The following FCMR variants were observed in gnomAD, a reference collection of about 807,000 sequenced individuals.
The protein encoded by FCMR is Fc mu receptor.
In FCMR, 34 loss-of-function variants were observed where a neutral mutation model predicts 41.6. The ratio of observed to expected loss-of-function variants is 0.82; its 90% CI spans 0.62 to 1.09. The LOEUF (loss-of-function observed/expected upper bound fraction) is 1.09, where lower values mean the gene tolerates loss of function less well. FCMR is among the 50% of genes least tolerant of loss of function. The pLI, the probability that FCMR is intolerant of heterozygous loss-of-function variation, is 0.00. For missense variants in FCMR, 496 were observed against 512.5 expected (o/e 0.97, Z 0.31); for synonymous variants, 209 against 211.8 (o/e 0.99, Z 0.12).
rs770525835 is a variant in FCMR at position 206,913,753 on chromosome 1, A to G, written c.373+6T>C. 1.9e-6 allele frequency: 3 copies of G among 1,611,148 alleles called. No homozygotes were observed. Among genetic ancestry groups the G allele is most frequent in the Non-Finnish European group, 2.5e-6 (3 of 1,177,534 alleles). On this transcript the variant is annotated splice_donor_region_variant and intron_variant, in intron 2 of 7. Transcript: ENST00000367091. ...GTCTGAGCCTCCAATCAGCGGAGGA[A>G]CCTACCACTGTGGACATTCAGGGTG... is the stretch of plus-strand genomic sequence containing the variant.
chr1:206,905,202 C>T (rs1477390200), intron 7 of FCMR, 55 bp from the exon 8 acceptor site: 7 of 1,603,058 alleles, frequency 4.4e-6, no homozygotes, highest in South Asian at 2.2e-5. Flanking sequence ...TTTAATATCT[C>T]CCCAGGTGGA....
In FCMR at chr1:206,903,411, C is replaced by A. The variant is rs1404009948; in HGVS notation, c.*1608G>T. 1 of 222,036 alleles carries A rather than the reference C, an allele frequency of 4.5e-6. No individual in the cohort carries two copies. 13.8% of individuals were successfully genotyped at this position (222,036 alleles called of 1,614,324 possible). On this transcript the variant is annotated 3_prime_UTR_variant, in exon 8 of 8. Coordinates refer to ENST00000367091, the MANE Select transcript of FCMR (RefSeq NM_005449.5). ...GCTTCTTTACCCCTCACAATCCTTG[C>A]CACAGTGTGGGGCAGTGGATGGGTG...
rs139221448 is a variant in FCMR at position 206,914,310 on chromosome 1, TTTCCTTCCTTCCTTCCTTCCTTCCTTCC to T, written c.38-244_38-217del. Among the ~76,000 whole-genome samples, 504 of 145,672 alleles carry T rather than the reference TTTCCTTCCTTCCTTCCTTCCTTCCTTCC, an allele frequency of 3.5e-3. 3 individuals carry two copies. The highest frequency in any genetic ancestry group is 0.012 in the African/African-American group (455 of 39,242). On this transcript the variant is annotated intron_variant, in intron 1 of 7. Transcript: ENST00000367091. ...TCATTTCTTTTTTCTTTTTCTTTTC[TTTCCTTCCTTCCTTCCTTCCTTCCTTCC>T]TTCCTTCCTTCCTTCCTTTCTTTCT... is the stretch of plus-strand genomic sequence containing the variant.
chr1:206,905,382 T>G (rs1013530480), intron 7 of FCMR, among the ~76,000 whole-genome samples: 2 of 152,126 alleles, frequency 1.3e-5, no homozygotes, highest in Admixed American at 1.3e-4. Flanking sequence ...TAAATGGGGC[T>G]CAGAGTAAAA....
intron 7 of FCMR, among the ~76,000 whole-genome samples, chr1:206,905,450 G>A (rs143572917): frequency 9.1e-4 from 138 of 152,306 alleles, no homozygotes; most frequent in Middle Eastern, 6.8e-3. Flanking sequence ...TATCCCCTCG[G>A]GGATAAGATG....
In FCMR at chr1:206,913,751, G is replaced by C; in HGVS notation, c.373+8C>G. ...TAGTCTGAGCCTCCAATCAGCGGAG[G>C]AACCTACCACTGTGGACATTCAGGG... On this transcript the variant is annotated splice_region_variant and intron_variant, in intron 2 of 7. Transcript: ENST00000367091. 1 of 1,610,756 alleles carries C rather than the reference G, an allele frequency of 6.2e-7. No individual in the cohort carries two copies. The highest frequency in any genetic ancestry group is 8.5e-7 in the Non-Finnish European group (1 of 1,177,106).
At chr1:206,919,041 G>A (rs1679319183) in intron 1 of FCMR, among the ~76,000 whole-genome samples, 3 of 151,960 alleles carry the variant, frequency 2.0e-5, no homozygotes, top group South Asian at 2.1e-4. Flanking sequence ...ACTCTACTCC[G>A]TGGCCATGCA....
intron 4 of FCMR, among the ~76,000 whole-genome samples, chr1:206,910,948 T>G (rs1450978696): frequency 1.3e-5 from 2 of 152,240 alleles, no homozygotes; most frequent in African/African-American, 4.8e-5. Context: ...TCAGACTTTA[T>G]CAAGTCAGAC....
rs764263343 is a variant in FCMR at position 206,910,245 on chromosome 1, C to A, written c.806G>T (p.Gly269Val). Residue 269 changes from glycine to valine, a missense_variant, in exon 5 of 8, where the codon GGG becomes GTG. Transcript: ENST00000367091. ...TTCAACGGCCCTTTTCACCACCAGC[C>A]CCAGAAGTGCCAGCAGGAAAAGGCC... ...ILGLFLLALL[G>V]LVVKRAVERR... is the part of the protein sequence containing the mutation. 1 of 1,599,828 alleles carries A rather than the reference C, an allele frequency of 6.3e-7. No homozygotes were observed. The highest frequency in any genetic ancestry group is 8.5e-7 in the Non-Finnish European group (1 of 1,173,842).
At chr1:206,908,544 T>C (rs1423214580) in intron 7 of FCMR, among the ~76,000 whole-genome samples, 1 of 152,132 alleles carries the variant, frequency 6.6e-6, no homozygotes, top group Non-Finnish European at 1.5e-5. Context: ...ACTTTCCACC[T>C]GGTAATATAG....
Position 206,909,995 on chromosome 1 carries a change from G to C in FCMR, c.842-127C>G. 8.4e-7 allele frequency: 1 copy of C among 1,196,642 alleles called. No individual in the cohort carries two copies. The highest frequency in any genetic ancestry group is 1.1e-6 in the Non-Finnish European group (1 of 907,986). 74.1% of individuals were successfully genotyped at this position (1,196,642 alleles called of 1,614,324 possible). A position where few individuals can be genotyped will look rare whatever the true frequency, so the allele number is the denominator to read the frequency against. ...CTGACCTGGAGATGCTCCAAGCGTG[G>C]GGAATGTACGAGGCACGGCCTTGCC... On this transcript the variant is annotated intron_variant, in intron 5 of 7. Transcript: ENST00000367091. The surrounding 1 kb of genome is among the most constrained non-coding windows in gnomAD (Gnocchi z 5.0).
At chr1:206,906,232 G>A in intron 7 of FCMR, 1 of 442,510 alleles carries the variant, frequency 2.3e-6, no homozygotes, top group South Asian at 1.9e-5. Flanking sequence ...ACACAAAGTT[G>A]GAGGTGACAC....
In FCMR at chr1:206,909,734, C is replaced by T. The variant is rs918083375; in HGVS notation, c.976G>A (p.Asp326Asn). 9.6e-6 allele frequency: 14 copies of T among 1,454,752 alleles called. No individual in the cohort carries two copies. The highest frequency in any genetic ancestry group is 1.3e-5 in the Non-Finnish European group (14 of 1,114,878). The allele number at this position is 1,454,752 out of a possible 1,614,324, so 90.1% of individuals were successfully genotyped here. Residue 326 changes from aspartate (D) to asparagine (N), a missense_variant, in exon 6 of 8, where the codon GAC becomes AAC. Physicochemically the swap from Asp to Asn is conservative, Grantham distance 23. Coordinates refer to ENST00000367091, the MANE Select transcript of FCMR (RefSeq NM_005449.5). This position sits in a 1 kb window ranked among gnomAD's most constrained non-coding sequence, Gnocchi z 5.0. ...CCGCCCGGCGGCTCACCTGCAGCGTCCGCTCCACGAGCGCGCCGCGGGCAG... is the reference window on the plus strand; with the variant it reads ...CCGCCCGGCGGCTCACCTGCAGCGTTCGCTCCACGAGCGCGCCGCGGGCAG... The part of the protein sequence containing the change: ...SACPRRARGA[D>N]AAGTGEAPVP...
At chr1:206,922,894 C>T (rs190180935), upstream of FCMR, among the ~76,000 whole-genome samples, 12 of 152,318 alleles carry the variant, frequency 7.9e-5, no homozygotes, top group Non-Finnish European at 1.3e-4. Flanking sequence ...CCCTGGGCCT[C>T]GGTTTTTTCC....
chr1:206,920,149 G>A (rs1463561112), intron 1 of FCMR, among the ~76,000 whole-genome samples: 2 of 152,118 alleles, frequency 1.3e-5, no homozygotes, highest in African/African-American at 4.8e-5. Context: ...GATGGACTTT[G>A]AAGAACCCAT....
intron 1 of FCMR, 54 bp downstream of exon 1, chr1:206,921,764 G>A (rs1220932511): frequency 6.6e-7 from 1 of 1,521,558 alleles, no homozygotes; most frequent in African/African-American, 1.4e-5. Context: ...TATTCTACTT[G>A]TGGCCAATTC....
intron 7 of FCMR, among the ~76,000 whole-genome samples, chr1:206,908,991 G>GA (rs34844419): frequency 0.59 from 88,880 of 151,902 alleles, 28,226 homozygotes; most frequent in African/African-American, 0.85. Context: ...TCATCCTCTA[G>GA]CCAAGCTTAA....
At chr1:206,918,183 G>T (rs1386845557) in intron 1 of FCMR, among the ~76,000 whole-genome samples, 1 of 152,072 alleles carries the variant, frequency 6.6e-6, no homozygotes, top group Non-Finnish European at 1.5e-5. Flanking sequence ...TCTCAGCAGC[G>T]GTTGACAGAA....
At chr1:206,910,430 A>T (rs1678887814) in intron 4 of FCMR, 90 bp from the exon 5 acceptor site, 1 of 1,073,412 alleles carries the variant, frequency 9.3e-7, no homozygotes, top group Non-Finnish European at 1.2e-6. Context: ...ACGTTTTTGG[A>T]GATGACTTAC....
Sources: allele counts gnomAD v4.1 joint callset (sites outside exome capture counted in the v4.1 genomes callset), GRCh38; gene constraint gnomAD v4.1.1; non-coding constraint Gnocchi (gnomAD v3.1); transcripts MANE v1.5; gene names NCBI Gene and HGNC (gene_info 2026-07-23, HGNC 2026-07-21).